SHMT1: variants seen among roughly 807,000 people sequenced by gnomAD.
The protein encoded by SHMT1 is serine hydroxymethyltransferase 1.
Under a neutral mutation model 49.0 loss-of-function variants are expected in SHMT1, and 45 were observed. The observed-to-expected ratio is 0.92, with a 90% confidence interval of 0.72 to 1.18. The LOEUF (loss-of-function observed/expected upper bound fraction) is 1.18, where lower values mean the gene tolerates loss of function less well. Ranked by LOEUF, SHMT1 falls within the 50% of genes most tolerant of loss-of-function variation. The probability of loss-of-function intolerance (pLI) is 0.00; values close to 1 mark genes in which losing one functional copy is unlikely to be tolerated. For synonymous variants in SHMT1, 232 were observed against 246.6 expected, an observed-to-expected ratio of 0.94 and a Z score of 0.55; for missense variants, 541 against 612.4, an observed-to-expected ratio of 0.88 and a Z score of 1.23.
At chr17:18,341,049 C>G (rs1024557739) in intron 5 of SHMT1, 1 of 566,488 alleles carries the variant, frequency 1.8e-6, no homozygotes, top group Non-Finnish European at 3.2e-6. Context: ...TGCTGGGGCA[C>G]TACCTGCTGA....
chr17:18,356,964 G>A (rs1366307033), intron 1 of SHMT1, among the ~76,000 whole-genome samples: 3 of 151,892 alleles, frequency 2.0e-5, no homozygotes, highest in Admixed American at 1.3e-4. Flanking sequence ...AATCTCCTGC[G>A]GTACCCAACA....
At chr17:18,335,824 G>A (rs1598021765) in intron 7 of SHMT1, 149 bp from the exon 8 acceptor site, 2 of 720,288 alleles carry the variant, frequency 2.8e-6, no homozygotes, top group East Asian at 5.0e-5. Context: ...CAGCGGAGCA[G>A]AGGGGACCCT....
Position 18,355,945 on chromosome 17 carries a change from C to T in SHMT1, c.37G>A (p.Asp13Asn), listed in dbSNP as rs1986197181. Reference protein sequence around the residue: ...MPVNGAHKDADLWSSHDKMLA... With the variant: ...MPVNGAHKDANLWSSHDKMLA... ...ATCTTGTCATGTGAGGACCACAGGT[C>T]AGCATCCTTGTGGGCCCCGTTGACT... The change falls in exon 2 of 12, where the codon GAC (aspartate) becomes AAC (asparagine). Residue 13 changes from aspartate to asparagine, a missense_variant. Coordinates refer to ENST00000316694, the MANE Select transcript of SHMT1 (RefSeq NM_004169.5). 6.2e-7 allele frequency: 1 copy of T among 1,614,098 alleles called. No homozygotes were observed. The highest frequency in any genetic ancestry group is 1.1e-5 in the South Asian group (1 of 91,074).
At chr17:18,347,330 C>G (rs1480816207) in intron 5 of SHMT1, among the ~76,000 whole-genome samples, 166 bp downstream of exon 5, 7 of 152,210 alleles carry the variant, frequency 4.6e-5, no homozygotes, top group Admixed American at 3.9e-4. Flanking sequence ...CCAGCTGCCC[C>G]AGCGGGTCCT....
chr17:18,353,388 C>G (rs1045787460), intron 3 of SHMT1: 1 of 447,132 alleles, frequency 2.2e-6, no homozygotes, highest in African/African-American at 2.0e-5. Context: ...TAGACAGAGG[C>G]CACACACCAG....
intron 11 of SHMT1, 131 bp downstream of exon 11, chr17:18,329,147 T>G: frequency 1.1e-6 from 1 of 888,686 alleles, no homozygotes; most frequent in South Asian, 1.4e-5. Context: ...ATGTGTTTTT[T>G]GCTGTCTCCC....
chr17:18,350,652 TACATA>T (rs1598053529), intron 3 of SHMT1, among the ~76,000 whole-genome samples: 1 of 151,874 alleles, frequency 6.6e-6, no homozygotes, highest in East Asian at 1.9e-4. Flanking sequence ...TATTCACACA[TACATA>T]ACATTTTGTT....
At position 18,351,855 on chromosome 17, in the gene SHMT1, T is replaced by A. The variant is rs547904812; in HGVS notation, c.242+1817A>T. ...AGTTGTGGTTTTTCGGGGTTTTTTT[T>A]AAATTTAGAAACAGGGTCTCATTCT... On this transcript the variant is annotated intron_variant, in intron 3 of 11. Coordinates refer to ENST00000316694, the MANE Select transcript of SHMT1 (RefSeq NM_004169.5). 2.6e-5 allele frequency among the ~76,000 whole-genome samples: 4 copies of A among 152,202 alleles called. No individual in the cohort carries two copies. The South Asian group carries it at 6.2e-4, about 24-fold the overall frequency.
At chr17:18,362,627 A>G (rs1252749050) in intron 1 of SHMT1, among the ~76,000 whole-genome samples, 1 of 152,028 alleles carries the variant, frequency 6.6e-6, no homozygotes, top group Non-Finnish European at 1.5e-5. Context: ...CCCGGCCTAC[A>G]ATGTTATTTC....
chr17:18,355,993 G>A lies in SHMT1; in HGVS notation c.-12C>T, dbSNP rs912075308. 1.9e-5 allele frequency: 30 copies of A among 1,579,024 alleles called. No individual in the cohort carries two copies. The highest frequency in any genetic ancestry group is 1.7e-4 in the Middle Eastern group (1 of 5,954). On this transcript the variant is annotated 5_prime_UTR_variant, in exon 2 of 12. Transcript: ENST00000316694. The stretch of plus-strand genomic sequence containing the variant: ...ACTGGCATCGTCATTGCACTGGTTC[G>A]AAGCTGCCTAAAAAAATGGGAAAAA...
Position 18,338,960 on chromosome 17 carries a change from G to A in SHMT1, c.814+1083C>T, listed in dbSNP as rs531897660. Among the ~76,000 whole-genome samples the A allele has an allele frequency of 3.0e-5, 4 of 132,804 alleles. No homozygotes were observed. The South Asian group carries it at 1.0e-3, about 33-fold the overall frequency. The allele number at this position is 132,804 out of a possible 152,430, so 87.1% of individuals were successfully genotyped here. ...GAAAACCAGAGACCCTTGTTCACTT[G>A]TTTATCTGCTGACCTTCCCTCCACT... is the stretch of plus-strand genomic sequence containing the variant. On this transcript the variant is annotated intron_variant, in intron 7 of 11. Transcript: ENST00000316694.
In SHMT1 at chr17:18,340,639, G is replaced by T; in HGVS notation, c.601+93C>A. 1 of 1,097,764 alleles carries T rather than the reference G, an allele frequency of 9.1e-7. No homozygotes were observed. The highest frequency in any genetic ancestry group is 1.4e-6 in the Non-Finnish European group (1 of 733,202). 68.0% of individuals were successfully genotyped at this position (1,097,764 alleles called of 1,614,324 possible). A position where few individuals can be genotyped will look rare whatever the true frequency, so the allele number is the denominator to read the frequency against. ...GTTATCCAGGGCAGAAACTAGCAGT[G>T]GGCTCAACAGGGTGCGAACATCTTT... On this transcript the variant is annotated intron_variant, in intron 6 of 11. Transcript: ENST00000316694. This position sits in a 1 kb window ranked among gnomAD's most constrained non-coding sequence, Gnocchi z 4.5.
intron 5 of SHMT1, among the ~76,000 whole-genome samples, chr17:18,342,392 T>C (rs907610463): frequency 2.0e-5 from 3 of 151,784 alleles, no homozygotes; most frequent in Non-Finnish European, 2.9e-5. Context: ...TCTCGGCTCA[T>C]TGCAACCTCT....
chr17:18,352,388 C>T (rs1014215786), intron 3 of SHMT1, among the ~76,000 whole-genome samples: 12 of 152,118 alleles, frequency 7.9e-5, no homozygotes, highest in African/African-American at 1.4e-4. Context: ...CCTCGTGATC[C>T]GCCCGCCTGG....
At chr17:18,330,870 T>C (rs1983136660) in intron 9 of SHMT1, 199 bp from the exon 10 acceptor site, 1 of 630,080 alleles carries the variant, frequency 1.6e-6, no homozygotes, top group Non-Finnish European at 2.9e-6. Flanking sequence ...AGAGCACTTT[T>C]GAAAGGGGTA....
rs534903754 is a variant in SHMT1 at position 18,336,392 on chromosome 17, G to C, written c.815-717C>G. On this transcript the variant is annotated intron_variant, in intron 7 of 11. Transcript: ENST00000316694. The stretch of plus-strand genomic sequence containing the variant: ...TAAAGAAATGTCCATGTGGCTGGGC[G>C]TGGTGGTTCATGCGTGTAATCCCAG... Among the ~76,000 whole-genome samples the C allele has an allele frequency of 1.1e-4, 16 of 152,306 alleles. No homozygotes were observed. In the East Asian group the frequency reaches 3.1e-3, roughly 29 times the overall value.
At chr17:18,347,445 C>A (rs772017995) in intron 5 of SHMT1, 51 bp downstream of exon 5, 1 of 1,600,514 alleles carries the variant, frequency 6.2e-7, no homozygotes, top group Admixed American at 1.7e-5. Context: ...CACAGCCAAG[C>A]ATCAGAGGTT....
intron 1 of SHMT1, chr17:18,360,373 A>G (rs372936382): frequency 6.6e-6 from 1 of 152,130 alleles, no homozygotes; most frequent in African/African-American, 2.4e-5. Context: ...CCTAGGCAAC[A>G]TGGCAAAACC....
At chr17:18,335,769 CA>C in intron 7 of SHMT1, 94 bp from the exon 8 acceptor site, 2 of 907,772 alleles carry the variant, frequency 2.2e-6, no homozygotes, top group South Asian at 2.6e-5. Context: ...AAGAATCAAG[CA>C]CAAGCCTGGC....
Sources: gnomAD v4.1 joint callset for allele counts (sites outside exome capture counted in the v4.1 genomes callset) on GRCh38, gnomAD v4.1.1 for gene constraint, Gnocchi (gnomAD v3.1) non-coding constraint, MANE v1.5 for transcripts, NCBI Gene and HGNC (gene_info 2026-07-23, HGNC 2026-07-21) for gene names.